The following PARG variants were observed in gnomAD, a reference collection of about 807,000 sequenced individuals.
The protein encoded by PARG is poly(ADP-ribose) glycohydrolase, also known as mitochondrial poly(ADP-ribose) glycohydrolase.
Under a neutral mutation model 113.0 loss-of-function variants are expected in PARG, and 35 were observed. That is an observed-to-expected ratio of 0.31 (90% CI 0.24 to 0.41). The LOEUF (loss-of-function observed/expected upper bound fraction) is 0.41, where lower values mean the gene tolerates loss of function less well. PARG is among the 10% of genes least tolerant of loss of function. The pLI is 1.00. For missense variants in PARG, 797 were observed against 1,169.4 expected (o/e 0.68, Z 4.64); for synonymous variants, 330 against 409.9 (o/e 0.81, Z 2.36).
chr10:49,861,041 CT>C (rs1554835846), intron 12 of PARG, among the ~76,000 whole-genome samples: 2 of 150,856 alleles, frequency 1.3e-5, no homozygotes, highest in Non-Finnish European at 3.0e-5. Flanking sequence ...GAATTACCTG[CT>C]TTTAACAGGG....
intron 7 of PARG, among the ~76,000 whole-genome samples, chr10:49,890,645 AT>A (rs111832028): frequency 0.07 from 10,635 of 151,514 alleles, 518 homozygotes; most frequent in African/African-American, 0.12. Context: ...TGGACAGGCT[AT>A]TTTTTTTTCT....
chr10:49,922,800 C>G (rs1470434547), intron 4 of PARG, 131 bp from the exon 5 acceptor site: 16 of 761,852 alleles, frequency 2.1e-5, no homozygotes, highest in Non-Finnish European at 3.3e-5. Context: ...ACCAAAGAAC[C>G]CTTCAGTTCT....
chr10:49,880,373 T>C (rs1344772278), intron 8 of PARG, among the ~76,000 whole-genome samples: 1 of 151,920 alleles, frequency 6.6e-6, no homozygotes, highest in Non-Finnish European at 1.5e-5. Context: ...ATAGAACATG[T>C]AAAAACCACC....
chr10:49,876,509 ATCTT>A (rs1202523429), intron 9 of PARG, among the ~76,000 whole-genome samples: 2 of 151,880 alleles, frequency 1.3e-5, no homozygotes, highest in African/African-American at 4.8e-5. Context: ...ATTAAATTAT[ATCTT>A]TCTTTAATAA....
intron 7 of PARG, among the ~76,000 whole-genome samples, chr10:49,903,941 T>C (rs1467433637): frequency 6.6e-6 from 1 of 152,184 alleles, no homozygotes; most frequent in East Asian, 1.9e-4. Context: ...GCATGAAGGA[T>C]GGATTTGAAG....
In PARG at chr10:49,914,285, C is replaced by G. The variant is rs1837346945; in HGVS notation, c.1737+1632G>C. Among the ~76,000 whole-genome samples the G allele has an allele frequency of 2.6e-5, 4 of 152,164 alleles. No homozygotes were observed. The South Asian group carries it at 8.3e-4, about 32-fold the overall frequency. On this transcript the variant is annotated intron_variant, in intron 7 of 17. Transcript: ENST00000616448. ...GAAAGTTACAATACAAATGTTATGTCCTGATAACTTAAGTGACAAGGATAA... is the reference window on the plus strand; with the variant it reads ...GAAAGTTACAATACAAATGTTATGTGCTGATAACTTAAGTGACAAGGATAA...
At chr10:49,858,870 C>G (rs1326406381) in intron 12 of PARG, among the ~76,000 whole-genome samples, 1 of 152,052 alleles carries the variant, frequency 6.6e-6, no homozygotes, top group Non-Finnish European at 1.5e-5. Context: ...TCCAATTCAA[C>G]AAATATTTAC....
intron 10 of PARG, among the ~76,000 whole-genome samples, chr10:49,867,597 T>C (rs1301338402): frequency 6.8e-6 from 1 of 148,000 alleles, no homozygotes; most frequent in Non-Finnish European, 1.5e-5. Context: ...TTCAAACCAT[T>C]AGCTTTACAC....
chr10:49,841,669 C>T (rs1394524787), intron 15 of PARG, among the ~76,000 whole-genome samples: 2 of 152,190 alleles, frequency 1.3e-5, no homozygotes, highest in African/African-American at 4.8e-5. Flanking sequence ...TATGGTTTTA[C>T]ATTGATAATG....
intron 8 of PARG, among the ~76,000 whole-genome samples, chr10:49,882,595 A>G (rs1469075659): frequency 4.6e-5 from 7 of 152,214 alleles, no homozygotes; most frequent in African/African-American, 7.2e-5. Flanking sequence ...GTTATAGCTT[A>G]CAAAGTTAGA....
At position 49,922,976 on chromosome 10, in the gene PARG, C is replaced by A. The variant is rs542387522; in HGVS notation, c.1456-307G>T. Reference sequence around the variant, plus strand: ...AGACACATCTAGCCCCCATAAAACCCTTTCTAAAGAACTCCCAGGCTTCTA... The same window carrying A: ...AGACACATCTAGCCCCCATAAAACCATTTCTAAAGAACTCCCAGGCTTCTA... On this transcript the variant is annotated intron_variant, in intron 4 of 17. Transcript: ENST00000616448. Among the ~76,000 whole-genome samples the A allele has an allele frequency of 3.9e-5, 6 of 152,314 alleles. No homozygotes were observed. The East Asian group carries it at 1.2e-3, about 29-fold the overall frequency.
In PARG at chr10:49,856,261, C is replaced by A. The variant is rs1362506247; in HGVS notation, c.2353+1045G>T. ...GTGGCGCGATCTCAGCTCACTGCAACCTCTGCCTCCCGGGTTCAAGTGATT... is the reference window on the plus strand; with the variant it reads ...GTGGCGCGATCTCAGCTCACTGCAAACTCTGCCTCCCGGGTTCAAGTGATT... On this transcript the variant is annotated intron_variant, in intron 13 of 17. Coordinates refer to ENST00000616448, the MANE Select transcript of PARG (RefSeq NM_003631.5). 2.2e-4 allele frequency among the ~76,000 whole-genome samples: 34 copies of A among 151,608 alleles called. No individual in the cohort carries two copies. In the East Asian group the frequency reaches 6.6e-3, roughly 30 times the overall value.
At chr10:49,877,172 C>T (rs1157836911) in intron 9 of PARG, among the ~76,000 whole-genome samples, 1 of 150,362 alleles carries the variant, frequency 6.7e-6, no homozygotes, top group African/African-American at 2.4e-5. Context: ...ATACTTTCAT[C>T]TGCTAAACAC....
intron 6 of PARG, among the ~76,000 whole-genome samples, chr10:49,917,501 A>AG (rs1284964996): frequency 4.2e-4 from 63 of 148,992 alleles, no homozygotes; most frequent in African/African-American, 1.5e-3. Context: ...AAAAAAAAAA[A>AG]AAAAAAGAAA....
At chr10:49,886,224 T>C (rs1444849099) in intron 7 of PARG, among the ~76,000 whole-genome samples, 4 of 152,232 alleles carry the variant, frequency 2.6e-5, no homozygotes, top group Non-Finnish European at 4.4e-5. Context: ...CTGGCCTCTA[T>C]GCCACAGCTC....
chr10:49,917,488 C>CAGAAAAAAAAAAAAAAAAA (rs1837550846), intron 6 of PARG, among the ~76,000 whole-genome samples: 1 of 47,658 alleles, frequency 2.1e-5, no homozygotes, highest in Non-Finnish European at 4.4e-5. Context: ...GACTCCGTCT[C>CAGAAAAAAAAAAAAAAAAA]AAAAAAAAAA....
chr10:49,873,445 C>CA (rs1317276416), intron 9 of PARG, among the ~76,000 whole-genome samples: 1 of 151,178 alleles, frequency 6.6e-6, no homozygotes, highest in Non-Finnish European at 1.5e-5. Flanking sequence ...CCGGAGCACT[C>CA]AGAGCATTTT....
intron 4 of PARG, among the ~76,000 whole-genome samples, chr10:49,926,545 C>G (rs1376971544): frequency 6.6e-6 from 1 of 152,170 alleles, no homozygotes; most frequent in African/African-American, 2.4e-5. Context: ...TAAGGGGGAA[C>G]TGAAGACTGA....
chr10:49,934,756 G>A (rs1838665364), intron 2 of PARG, among the ~76,000 whole-genome samples: 1 of 152,008 alleles, frequency 6.6e-6, no homozygotes, highest in African/African-American at 2.4e-5. Flanking sequence ...GGCTGAGGCA[G>A]GAGAATGGCG....
Sources: gnomAD v4.1 joint callset for allele counts (sites outside exome capture counted in the v4.1 genomes callset) on GRCh38, gnomAD v4.1.1 for gene constraint, MANE v1.5 for transcripts, NCBI Gene and HGNC (gene_info 2026-07-23, HGNC 2026-07-21) for gene names.